The following CCDC7 variants were observed in gnomAD, a reference collection of about 807,000 sequenced individuals.
The protein encoded by CCDC7 is coiled-coil domain-containing protein 7.
Under a neutral mutation model 196.9 loss-of-function variants are expected in CCDC7, and 183 were observed. The ratio of observed to expected loss-of-function variants is 0.93; its 90% CI spans 0.82 to 1.05. The LOEUF is 1.05. Ranked by LOEUF, CCDC7 falls within the 50% of genes least tolerant of loss-of-function variation. The pLI is 0.00. For missense variants in CCDC7, 1,540 were observed against 1,482.2 expected, an observed-to-expected ratio of 1.04 and a Z score of -0.64; for synonymous variants, 525 against 484.6, an observed-to-expected ratio of 1.08 and a Z score of -1.10.
intron 28 of CCDC7, among the ~76,000 whole-genome samples, chr10:32,757,915 G>T (rs956139664): frequency 2.0e-5 from 3 of 152,138 alleles, no homozygotes; most frequent in African/African-American, 4.8e-5. Context: ...TGATAAACGG[G>T]ATATCACTAC....
rs182656155 is a variant in CCDC7 at position 32,497,964 on chromosome 10, C to T, written c.872+5967C>T. Among the ~76,000 whole-genome samples, 423 of 152,086 alleles carry T rather than the reference C, an allele frequency of 2.8e-3. 11 individuals carry two copies. The highest frequency in any genetic ancestry group is 0.017 in the Admixed American group (260 of 15,282). Reference sequence around the variant, plus strand: ...GGATATCCTTGTTAATTTTCTGTCTCGTTGATTTGTCTAATATTGACAGTG... The same window carrying T: ...GGATATCCTTGTTAATTTTCTGTCTTGTTGATTTGTCTAATATTGACAGTG... On this transcript the variant is annotated intron_variant, in intron 9 of 41. Transcript: ENST00000639629.
At chr10:32,701,406 G>A (rs1405862461) in intron 24 of CCDC7, among the ~76,000 whole-genome samples, 2 of 152,136 alleles carry the variant, frequency 1.3e-5, no homozygotes, top group South Asian at 2.1e-4. Context: ...ATGTGCTGCT[G>A]GATTCAGTTT....
At chr10:32,722,098 A>G (rs182036324) in intron 25 of CCDC7, among the ~76,000 whole-genome samples, 1 of 152,246 alleles carries the variant, frequency 6.6e-6, no homozygotes, top group Non-Finnish European at 1.5e-5. Flanking sequence ...GAAATGAAAT[A>G]GTTATATCTT....
intron 41 of CCDC7, among the ~76,000 whole-genome samples, chr10:32,865,871 A>G (rs1219994937): frequency 6.6e-6 from 1 of 151,866 alleles, no homozygotes; most frequent in Non-Finnish European, 1.5e-5. Context: ...ATGTTTTCCC[A>G]TTATTGGAAA....
At position 32,455,491 on chromosome 10, in the gene CCDC7, C is replaced by T. The variant is rs369404844; in HGVS notation, c.373-760C>T. Reference sequence around the variant, plus strand: ...CGCCTCGCCCAGCTAATTTTTTTGTCTTTTTAGTAGAGACGGGATTTTGCC... The same window carrying T: ...CGCCTCGCCCAGCTAATTTTTTTGTTTTTTTAGTAGAGACGGGATTTTGCC... On this transcript the variant is annotated intron_variant, in intron 2 of 41. Coordinates refer to ENST00000639629, the Ensembl canonical transcript of CCDC7. Among the ~76,000 whole-genome samples, 73 of 151,698 alleles carry T rather than the reference C, an allele frequency of 4.8e-4. 1 individual carries two copies. The highest frequency in any genetic ancestry group is 2.1e-3 in the East Asian group (11 of 5,146).
intron 11 of CCDC7, among the ~76,000 whole-genome samples, chr10:32,520,718 T>C (rs2047751330): frequency 6.6e-6 from 1 of 152,154 alleles, no homozygotes; most frequent in Non-Finnish European, 1.5e-5. Flanking sequence ...AGAAGCTTTT[T>C]AACTTGGTGT....
chr10:32,561,039 G>A lies in CCDC7; in HGVS notation c.1135-4519G>A, dbSNP rs2055487523. ...TGCAATCCTAGTCTCTGATAAAACA[G>A]ACTTTAAACCACAAAGATCAAAAGA... On this transcript the variant is annotated intron_variant, in intron 13 of 41. Coordinates refer to ENST00000639629, the Ensembl canonical transcript of CCDC7. Among the ~76,000 whole-genome samples the A allele has an allele frequency of 1.4e-4, 3 of 21,138 alleles. No homozygotes were observed. The Non-Finnish European group carries it at 3.3e-3, about 23-fold the overall frequency. The allele number at this position is 21,138 out of a possible 152,430, so 13.9% of individuals were successfully genotyped here.
At position 32,451,953 on chromosome 10, in the gene CCDC7, G is replaced by A. The variant is rs770244521; in HGVS notation, c.279+32G>A. The A allele has an allele frequency of 6.3e-6, 10 of 1,583,346 alleles. No individual in the cohort carries two copies. The South Asian group carries it at 1.2e-4, about 19-fold the overall frequency. ...GGCTTGTTAGTTTCTGTGTTGCAGGGCCCCCATGATCACCCCAGGTTTAGT... is the reference window on the plus strand; with the variant it reads ...GGCTTGTTAGTTTCTGTGTTGCAGGACCCCCATGATCACCCCAGGTTTAGT... On this transcript the variant is annotated intron_variant, in intron 1 of 41. Transcript: ENST00000639629.
chr10:32,626,294 A>G (rs1003319495), intron 18 of CCDC7, among the ~76,000 whole-genome samples: 1 of 151,910 alleles, frequency 6.6e-6, no homozygotes, highest in African/African-American at 2.4e-5. Flanking sequence ...TGTGGTTTTA[A>G]TTTTCATTTC....
intron 24 of CCDC7, among the ~76,000 whole-genome samples, chr10:32,705,300 C>CAA (rs1311996077): frequency 6.6e-6 from 1 of 152,010 alleles, no homozygotes; most frequent in African/African-American, 2.4e-5. Context: ...GCCTGCCTTA[C>CAA]AAAAGCTCCT....
chr10:32,576,302 T>TA (rs61171117), intron 16 of CCDC7, among the ~76,000 whole-genome samples: 11,987 of 144,232 alleles, frequency 0.083, 506 homozygotes, highest in East Asian at 0.16. Context: ...CAAAGGGGGT[T>TA]AAAAAAAAAA....
intron 25 of CCDC7, among the ~76,000 whole-genome samples, chr10:32,724,840 C>A (rs2082894152): frequency 6.6e-6 from 1 of 152,090 alleles, no homozygotes; most frequent in Admixed American, 6.6e-5. Context: ...CTGGAGAGAT[C>A]TGAACCCATA....
chr10:32,503,131 C>T (rs1289490528), intron 9 of CCDC7, among the ~76,000 whole-genome samples: 1 of 152,050 alleles, frequency 6.6e-6, no homozygotes, highest in East Asian at 1.9e-4. Flanking sequence ...TATTTTGATG[C>T]ATTTTATTTG....
At chr10:32,694,845 T>G (rs752035751) in intron 23 of CCDC7, 34 bp from the exon 25 acceptor site, 7 of 1,283,220 alleles carry the variant, frequency 5.5e-6, no homozygotes, top group South Asian at 1.7e-5. Context: ...GGTCTGTTTT[T>G]CCATTAAGAG....
intron 24 of CCDC7, among the ~76,000 whole-genome samples, chr10:32,708,225 G>A (rs2080154682): frequency 1.3e-5 from 2 of 152,300 alleles, no homozygotes; most frequent in South Asian, 2.1e-4. Context: ...ATGGGGAAAG[G>A]ATTCCCTATT....
intron 9 of CCDC7, chr10:32,499,430 C>T (rs2043505382): frequency 6.6e-6 from 1 of 152,090 alleles, no homozygotes; most frequent in African/African-American, 2.4e-5. Context: ...TTCTGCTCTT[C>T]TGCTAATAAA....
intron 20 of CCDC7, among the ~76,000 whole-genome samples, chr10:32,648,936 A>G (rs964445856): frequency 3.3e-5 from 5 of 152,242 alleles, no homozygotes; most frequent in African/African-American, 1.2e-4. Flanking sequence ...AATTGGATAA[A>G]GAAAATGTGG....
At chr10:32,570,429 A>G (rs2057398861) in intron 15 of CCDC7, among the ~76,000 whole-genome samples, 1 of 152,200 alleles carries the variant, frequency 6.6e-6, no homozygotes, top group South Asian at 2.1e-4. Context: ...TAGTTAGTAT[A>G]TAGGATAACT....
intron 33 of CCDC7, among the ~76,000 whole-genome samples, chr10:32,841,408 AAAAC>A (rs1210347608): frequency 1.3e-5 from 2 of 152,038 alleles, no homozygotes; most frequent in African/African-American, 4.8e-5. Flanking sequence ...AATAGCTGCC[AAAAC>A]AAACAAACAA....
Sources: gnomAD v4.1 joint callset for allele counts (sites outside exome capture counted in the v4.1 genomes callset) on GRCh38, gnomAD v4.1.1 for gene constraint, MANE v1.5 for transcripts, NCBI Gene and HGNC (gene_info 2026-07-23, HGNC 2026-07-21) for gene names.